Variants in LAMC2 observed in about 807,000 individuals in gnomAD.
LAMC2 encodes the protein laminin subunit gamma 2, also known as laminin subunit gamma-2.
A neutral mutation model predicts 140.2 loss-of-function variants in LAMC2; 97 were observed. The ratio of observed to expected loss-of-function variants is 0.69; its 90% CI spans 0.59 to 0.82. LAMC2 has a LOEUF of 0.82. Ranked by LOEUF, LAMC2 falls within the 40% of genes least tolerant of loss-of-function variation. LAMC2 has a pLI of 0.00. For synonymous variants in LAMC2, 513 were observed against 540.2 expected (o/e 0.95, Z 0.70); for missense variants, 1,402 against 1,476.1 (o/e 0.95, Z 0.82).
At position 183,218,482 on chromosome 1, in the gene LAMC2, G is replaced by A; in HGVS notation, c.497G>A (p.Cys166Tyr). ...AAGCCAGCTGTCACTGGAGAACGCT[G>A]TGATAGGTCTGTGTGAACCGTGGCC... ...VCKPAVTGER[C>Y]DRCRSGYYNL... Residue 166 changes from cysteine to tyrosine, a missense_variant, in exon 4 of 23, where the codon TGT (cysteine) becomes TAT (tyrosine). Coordinates refer to ENST00000264144, the MANE Select transcript of LAMC2 (RefSeq NM_005562.3). 2 of 1,612,710 alleles carry A rather than the reference G, an allele frequency of 1.2e-6. No individual in the cohort carries two copies. Among genetic ancestry groups the A allele is most frequent in the East Asian group, 4.5e-5 (2 of 44,860 alleles).
At chr1:183,202,467 A>T (rs1310990709) in intron 1 of LAMC2, among the ~76,000 whole-genome samples, 2 of 152,242 alleles carry the variant, frequency 1.3e-5, no homozygotes, top group East Asian at 3.8e-4. Context: ...GGAAATAAAG[A>T]TGATTTATCA....
intron 1 of LAMC2, among the ~76,000 whole-genome samples, chr1:183,195,787 A>AATGACGTTTAATGTG (rs1658493315): frequency 1.3e-5 from 2 of 150,214 alleles, no homozygotes; most frequent in African/African-American, 2.4e-5. Context: ...CACATTAAAC[A>AATGACGTTTAATGTG]ATGAAGTTCA....
At chr1:183,227,336 A>G (rs1264416289) in intron 9 of LAMC2, among the ~76,000 whole-genome samples, 179 bp from the exon 10 acceptor site, 4 of 152,146 alleles carry the variant, frequency 2.6e-5, no homozygotes, top group Admixed American at 1.3e-4. Flanking sequence ...GGTGAGATTC[A>G]GGGTCTTGGC....
the LAMC2 span, chr1:183,251,381 A>G: frequency 2.0e-5 from 3 of 152,278 alleles, no homozygotes; most frequent in Non-Finnish European, 4.4e-5. Flanking sequence ...CAGGGCAACA[A>G]ATTGCTTTCT....
At chr1:183,199,136 G>A (rs1287469471) in intron 1 of LAMC2, among the ~76,000 whole-genome samples, 28 of 117,636 alleles carry the variant, frequency 2.4e-4, no homozygotes, top group African/African-American at 8.6e-4. Flanking sequence ...ACAGAGTCTC[G>A]TACTGTCACC....
chr1:183,226,866 C>G lies in LAMC2; in HGVS notation c.1235C>G (p.Thr412Ser). The G allele has an allele frequency of 1.2e-6, 2 of 1,614,102 alleles. No individual in the cohort carries two copies. Among genetic ancestry groups the G allele is most frequent in the Non-Finnish European group, 1.7e-6 (2 of 1,180,016 alleles). The change falls in exon 9 of 23, where the codon ACC becomes AGC. Residue 412 changes from threonine (T) to serine (S), a missense_variant. Around this residue, in one of 3 missense-constraint regions of LAMC2, gnomAD observed 723 missense variants for 783.3 expected, o/e 0.92. Transcript: ENST00000264144. ...RDSARLGPFG[T>S]CIPCNCQGGG... ...TCAGCGAGACTGGGGCCTTTTGGCACCTGTATTCCTTGTAACTGTCAAGGG... is the reference window on the plus strand; with the variant it reads ...TCAGCGAGACTGGGGCCTTTTGGCAGCTGTATTCCTTGTAACTGTCAAGGG...
chr1:183,208,964 C>A (rs1414441957), intron 2 of LAMC2, among the ~76,000 whole-genome samples: 2 of 151,290 alleles, frequency 1.3e-5, no homozygotes, highest in Admixed American at 1.3e-4. Context: ...CAGGTGTGAG[C>A]CACCGCGCCT....
At chr1:183,186,575 G>A in intron 1 of LAMC2, 144 bp downstream of exon 1, 1 of 771,488 alleles carries the variant, frequency 1.3e-6, no homozygotes, top group Non-Finnish European at 2.0e-6. Context: ...CCCTATCTGG[G>A]GCTCCTCCAG....
chr1:183,211,182 G>A (rs1316069966), intron 2 of LAMC2, among the ~76,000 whole-genome samples: 1 of 152,168 alleles, frequency 6.6e-6, no homozygotes, highest in African/African-American at 2.4e-5. Context: ...GACTTTGTGG[G>A]CTCAGCAACA....
intron 4 of LAMC2, among the ~76,000 whole-genome samples, chr1:183,218,958 G>C (rs1221223473): frequency 6.6e-6 from 1 of 152,212 alleles, no homozygotes; most frequent in Non-Finnish European, 1.5e-5. Flanking sequence ...CTGGGGATAG[G>C]ATGGCAGTTA....
At chr1:183,239,843 T>C (rs1660076352) in intron 20 of LAMC2, 197 bp from the exon 21 acceptor site, 1 of 690,446 alleles carries the variant, frequency 1.4e-6, no homozygotes, top group Non-Finnish European at 2.5e-6. Context: ...ACCTTCCTAG[T>C]CATACCCCCA....
rs1192604658 is a variant in LAMC2, at chr1:183,235,621, G to C, written c.2347G>C (p.Glu783Gln). The C allele has an allele frequency of 1.9e-6, 3 of 1,614,128 alleles. No homozygotes were observed. The highest frequency in any genetic ancestry group is 1.7e-6 in the Non-Finnish European group (2 of 1,180,050). ...SNMEQLTRET[E>Q]DYSKQALSLV... ...CATGGAGCAACTGACAAGGGAAACT[G>C]AGGACTATTCCAAACAAGCCCTCTC... Residue 783 changes from glutamate (E) to glutamine (Q), a missense_variant, in exon 16 of 23, where the codon GAG becomes CAG. By Grantham distance (29) the Glu-to-Gln change is conservative. This residue lies in a region of LAMC2 where 670 missense variants were observed against 667.2 expected (regional missense o/e 1.00). Transcript: ENST00000264144.
intron 2 of LAMC2, among the ~76,000 whole-genome samples, chr1:183,208,296 T>C (rs1658962395): frequency 1.3e-5 from 2 of 152,182 alleles, no homozygotes; most frequent in Admixed American, 1.3e-4. Flanking sequence ...ATGTTTCTCT[T>C]AAGTAGGGGT....
Position 183,196,385 on chromosome 1 carries a change from C to T in LAMC2, c.79+9954C>T, listed in dbSNP as rs181310669. 8.8e-3 allele frequency among the ~76,000 whole-genome samples: 1,339 copies of T among 152,316 alleles called. 32 individuals carry two copies. Among genetic ancestry groups the T allele is most frequent in the African/African-American group, 0.031 (1,273 of 41,560 alleles). ...CTCCTGATCTGAAGTGATTCACCGG[C>T]CTCAGCCTCCCAAAGTGGTGGGATT... On this transcript the variant is annotated intron_variant, in intron 1 of 22. Coordinates refer to ENST00000264144, the MANE Select transcript of LAMC2 (RefSeq NM_005562.3).
At chr1:183,200,572 G>C (rs1056965506) in intron 1 of LAMC2, among the ~76,000 whole-genome samples, 1 of 152,080 alleles carries the variant, frequency 6.6e-6, no homozygotes, top group East Asian at 1.9e-4. Context: ...CTTGTCCTGC[G>C]TACAACCTGA....
At chr1:183,241,763 C>G (rs1014383368) in intron 22 of LAMC2, among the ~76,000 whole-genome samples, 1 of 151,530 alleles carries the variant, frequency 6.6e-6, no homozygotes, top group Non-Finnish European at 1.5e-5. Context: ...GTAAAATGCC[C>G]TCAAAGGATT....
In LAMC2 at chr1:183,234,827, T is replaced by C. The variant is rs557416474; in HGVS notation, c.2300+381T>C. 2.6e-5 allele frequency among the ~76,000 whole-genome samples: 4 copies of C among 152,298 alleles called. No individual in the cohort carries two copies. The East Asian group carries it at 7.7e-4, about 29-fold the overall frequency. On this transcript the variant is annotated intron_variant, in intron 15 of 22. Coordinates refer to ENST00000264144, the MANE Select transcript of LAMC2 (RefSeq NM_005562.3). The stretch of plus-strand genomic sequence containing the variant: ...GAACAAGTAGCAACGAGTTGTTTTT[T>C]AGCCTGTGGGGGCCAAGACTGCAGA...
intron 1 of LAMC2, among the ~76,000 whole-genome samples, chr1:183,194,250 GAAAAAAAAAA>G (rs112301239): frequency 7.5e-6 from 1 of 132,742 alleles, no homozygotes; most frequent in African/African-American, 2.6e-5. Context: ...TCTTTTTTCT[GAAAAAAAAAA>G]AAAAAAATCT....
the LAMC2 span, among the ~76,000 whole-genome samples, chr1:183,253,593 C>T: frequency 6.6e-6 from 1 of 152,172 alleles, no homozygotes; most frequent in South Asian, 2.1e-4. Flanking sequence ...ACTTTCTGCC[C>T]TCCACACTTG....
Sources: gnomAD v4.1 joint callset for allele counts (sites outside exome capture counted in the v4.1 genomes callset) on GRCh38, gnomAD v4.1.1 for gene constraint, gnomAD v4.1.1 regional missense constraint, MANE v1.5 for transcripts, NCBI Gene and HGNC (gene_info 2026-07-23, HGNC 2026-07-21) for gene names.